Variants in GNA15 observed in about 807,000 individuals in gnomAD.
GNA15 encodes G protein subunit alpha 15.
In GNA15, 23 loss-of-function variants were observed where a neutral mutation model predicts 40.1. That is an observed-to-expected ratio of 0.57 (90% CI 0.41 to 0.81). The LOEUF is 0.81. Ranked by LOEUF, GNA15 falls within the 40% of genes least tolerant of loss-of-function variation. The pLI is 0.00. For synonymous variants in GNA15, 226 were observed against 210.4 expected (o/e 1.07, Z -0.64); for missense variants, 522 against 515.8 (o/e 1.01, Z -0.12).
chr19:3,160,647 C>T (rs550581238), intron 6 of GNA15, among the ~76,000 whole-genome samples: 4 of 152,090 alleles, frequency 2.6e-5, no homozygotes, highest in Admixed American at 1.3e-4. Flanking sequence ...CTGGGGATGC[C>T]GTAACAAAGT....
intron 2 of GNA15, chr19:3,149,296 T>A (rs1395120170): frequency 6.5e-6 from 1 of 152,984 alleles, no homozygotes; most frequent in African/African-American, 2.6e-5. Flanking sequence ...CACATGCACA[T>A]ACACAAACAC....
At position 3,148,655 on chromosome 19, in the gene GNA15, C is replaced by T; in HGVS notation, c.210C>T (p.Tyr70=). 1 of 1,591,006 alleles carries T rather than the reference C, an allele frequency of 6.3e-7. No individual in the cohort carries two copies. The highest frequency in any genetic ancestry group is 2.3e-5 in the East Asian group (1 of 43,874). The part of the protein sequence containing the change: ...KQMRIIHGAG[Y]SEEERKGFRP... ...TGCGGATCATCCACGGCGCCGGCTA[C>T]TCGGAGGAGGAGCGCAAGGGCTTCC... Residue 70 remains tyrosine, a synonymous_variant, in exon 2 of 7, where the codon TAC becomes TAT. Transcript: ENST00000262958.
chr19:3,156,047 C>G (rs1915006528), intron 5 of GNA15, 95 bp downstream of exon 5: 4 of 1,202,460 alleles, frequency 3.3e-6, no homozygotes, highest in African/African-American at 1.5e-5. Context: ...GATCCCTGCT[C>G]TTGAACGGGC....
At position 3,151,244 on chromosome 19, in the gene GNA15, G is replaced by T. The variant is rs566409381; in HGVS notation, c.486-463G>T. 6.6e-6 allele frequency among the ~76,000 whole-genome samples: 1 copy of T among 151,898 alleles called. No homozygotes were observed. Among genetic ancestry groups the T allele is most frequent in the Non-Finnish European group, 1.5e-5 (1 of 67,920 alleles). On this transcript the variant is annotated intron_variant, in intron 3 of 6. Transcript: ENST00000262958. This position sits in a 1 kb window ranked among gnomAD's most constrained non-coding sequence, Gnocchi z 5.0. Reference sequence around the variant, plus strand: ...CCTGGAGTGACCCTGTTCCTGGGGGGACCCTGTTCCTAAAGTGACCCTGTT... The same window carrying T: ...CCTGGAGTGACCCTGTTCCTGGGGGTACCCTGTTCCTAAAGTGACCCTGTT...
chr19:3,149,877 C>T, intron 2 of GNA15: 2 of 422,622 alleles, frequency 4.7e-6, no homozygotes, highest in East Asian at 4.4e-5. Flanking sequence ...CCCCCTGAGC[C>T]TGGGCTCGCC....
At chr19:3,153,350 T>C (rs1422196338) in intron 4 of GNA15, among the ~76,000 whole-genome samples, 1 of 148,020 alleles carries the variant, frequency 6.8e-6, no homozygotes, top group South Asian at 2.2e-4. Flanking sequence ...AGTTGAGGGA[T>C]AGATGAGTGG....
rs775664767 is a variant in GNA15 at position 3,158,000 on chromosome 19, C to T, written c.898+119C>T. 22 of 769,142 alleles carry T rather than the reference C, an allele frequency of 2.9e-5. No homozygotes were observed. In the East Asian group the frequency reaches 4.2e-4, roughly 15 times the overall value. The allele number at this position is 769,142 out of a possible 1,614,324, so 47.6% of individuals were successfully genotyped here. A position where few individuals can be genotyped will look rare whatever the true frequency, so the allele number is the denominator to read the frequency against. On this transcript the variant is annotated intron_variant, in intron 6 of 6. Coordinates refer to ENST00000262958, the MANE Select transcript of GNA15 (RefSeq NM_002068.4). ...CGGAACTTTCACATAGGATCAGACCCGCGTTCTAGACTCAGCTCCATCCAC... is the reference window on the plus strand; with the variant it reads ...CGGAACTTTCACATAGGATCAGACCTGCGTTCTAGACTCAGCTCCATCCAC...
intron 1 of GNA15, among the ~76,000 whole-genome samples, chr19:3,146,818 C>T (rs73921247): frequency 0.013 from 2,037 of 152,194 alleles, 44 homozygotes; most frequent in African/African-American, 0.047. Context: ...CCTCTGCCCA[C>T]AGCCCTCCAT....
intron 1 of GNA15, among the ~76,000 whole-genome samples, chr19:3,139,059 C>T (rs1914520774): frequency 6.6e-6 from 1 of 151,008 alleles, no homozygotes; most frequent in Non-Finnish European, 1.5e-5. Flanking sequence ...GATTCTCCTG[C>T]CTCAGTCTCC....
chr19:3,138,939 C>CTTTT lies in GNA15; in HGVS notation c.145+2356_145+2359dup, dbSNP rs35552360. On this transcript the variant is annotated intron_variant, in intron 1 of 6. Coordinates refer to ENST00000262958, the MANE Select transcript of GNA15 (RefSeq NM_002068.4). ...AGGCGTGAGCCACCGCGCCCAGCCT[C>CTTTT]TTTTTTTTTTTTTTTCTTTTTTTTT... Among the ~76,000 whole-genome samples the CTTTT allele has an allele frequency of 5.7e-5, 6 of 105,602 alleles. 1 individual carries two copies. The highest frequency in any genetic ancestry group is 1.4e-4 in the African/African-American group (4 of 27,798). The allele number at this position is 105,602 out of a possible 152,430, so 69.3% of individuals were successfully genotyped here.
At chr19:3,152,774 C>G (rs74878331) in intron 4 of GNA15, among the ~76,000 whole-genome samples, 3 of 152,142 alleles carry the variant, frequency 2.0e-5, no homozygotes, top group African/African-American at 7.2e-5. Context: ...TGACCTACCC[C>G]TATTTGGCCT....
At chr19:3,159,534 G>A (rs541075625) in intron 6 of GNA15, among the ~76,000 whole-genome samples, 2 of 151,488 alleles carry the variant, frequency 1.3e-5, no homozygotes, top group South Asian at 4.2e-4. Flanking sequence ...TAGTAGAGAC[G>A]GGGTTTCTCC....
intron 6 of GNA15, among the ~76,000 whole-genome samples, chr19:3,160,182 A>G (rs115946078): frequency 0.014 from 2,085 of 152,206 alleles, 59 homozygotes; most frequent in African/African-American, 0.047. Flanking sequence ...GGGATTGGAG[A>G]TAAACTTCCA....
intron 1 of GNA15, among the ~76,000 whole-genome samples, chr19:3,145,289 C>T (rs988803392): frequency 6.9e-6 from 1 of 144,712 alleles, no homozygotes; most frequent in Non-Finnish European, 1.5e-5. Context: ...CCTACCTCAG[C>T]TTCATGAGTA....
intron 5 of GNA15, 128 bp from the exon 6 acceptor site, chr19:3,157,600 T>A: frequency 1.3e-6 from 1 of 768,178 alleles, no homozygotes; most frequent in Non-Finnish European, 2.2e-6. Flanking sequence ...CACACCCGCC[T>A]CAGCCCCAGC....
At position 3,136,389 on chromosome 19, in the gene GNA15, T is replaced by A; in HGVS notation, c.-62T>A. 6.6e-7 allele frequency: 1 copy of A among 1,505,594 alleles called. No individual in the cohort carries two copies. Among genetic ancestry groups the A allele is most frequent in the Non-Finnish European group, 8.9e-7 (1 of 1,121,650 alleles). 93.3% of individuals were successfully genotyped at this position (1,505,594 alleles called of 1,614,324 possible). On this transcript the variant is annotated 5_prime_UTR_variant, in exon 1 of 7. In the 5' UTR this introduces an upstream ATG that the reference lacks. Transcript: ENST00000262958. The surrounding 1 kb of genome is among the most constrained non-coding windows in gnomAD (Gnocchi z 4.9). ...TCTCCAGGGCCGGCTGGGCTGGGGGTTGCCCTGGCCAGCAGGGGCCCGGGG... is the reference window on the plus strand; with the variant it reads ...TCTCCAGGGCCGGCTGGGCTGGGGGATGCCCTGGCCAGCAGGGGCCCGGGG...
chr19:3,146,774 G>T, intron 1 of GNA15, among the ~76,000 whole-genome samples: 1 of 151,862 alleles, frequency 6.6e-6, no homozygotes, highest in Non-Finnish European at 1.5e-5. Flanking sequence ...CCACCAGAGG[G>T]CGCCTGTGAG....
chr19:3,144,084 A>G (rs531353050), intron 1 of GNA15, among the ~76,000 whole-genome samples: 15 of 149,790 alleles, frequency 1.0e-4, no homozygotes, highest in East Asian at 7.8e-4. Context: ...AGATCGCGAC[A>G]CTGCACTCCA....
At position 3,150,231 on chromosome 19, in the gene GNA15, T is replaced by TC; in HGVS notation, c.433dup (p.Arg145ProfsTer5). ...CAGTGGCTGTGGAGGGATGCCGGCA[T>TC]CCGGGCCTGCTATGAGCGTCGGCGG... is the stretch of plus-strand genomic sequence containing the variant. On this transcript the variant is annotated frameshift_variant, in exon 3 of 7. Coordinates refer to ENST00000262958, the MANE Select transcript of GNA15 (RefSeq NM_002068.4). LOFTEE classifies it high-confidence loss of function. 1 of 1,610,816 alleles carries TC rather than the reference T, an allele frequency of 6.2e-7. No homozygotes were observed. Among genetic ancestry groups the TC allele is most frequent in the Non-Finnish European group, 8.5e-7 (1 of 1,178,684 alleles).
Sources: allele counts gnomAD v4.1 joint callset (sites outside exome capture counted in the v4.1 genomes callset), GRCh38; gene constraint gnomAD v4.1.1; non-coding constraint Gnocchi (gnomAD v3.1); transcripts MANE v1.5; gene names NCBI Gene and HGNC (gene_info 2026-07-23, HGNC 2026-07-21).